XRCC4: variants seen among roughly 807,000 people sequenced by gnomAD.
The protein encoded by XRCC4 is DNA repair protein XRCC4.
Under a neutral mutation model 39.1 loss-of-function variants are expected in XRCC4, and 28 were observed. The ratio of observed to expected loss-of-function variants is 0.72; its 90% CI spans 0.53 to 0.98. The LOEUF (loss-of-function observed/expected upper bound fraction) is 0.98, where lower values mean the gene tolerates loss of function less well. Ranked by LOEUF, XRCC4 falls within the 50% of genes least tolerant of loss-of-function variation. The probability of loss-of-function intolerance (pLI) is 0.00; values close to 1 mark genes in which losing one functional copy is unlikely to be tolerated. For missense variants in XRCC4, 350 were observed against 376.4 expected (o/e 0.93, Z 0.58); for synonymous variants, 123 against 126.4 (o/e 0.97, Z 0.18).
At chr5:83,159,049 G>A (rs2112577272) in intron 3 of XRCC4, among the ~76,000 whole-genome samples, 1 of 152,226 alleles carries the variant, frequency 6.6e-6, no homozygotes, top group East Asian at 1.9e-4. Flanking sequence ...TATAGTGTAA[G>A]TTTTGTGGGA....
Position 83,149,398 on chromosome 5 carries a change from A to G in XRCC4, c.315+38195A>G, listed in dbSNP as rs554852311. Reference sequence around the variant, plus strand: ...GAGATACAGGATATATATGTAATGGATATTTCATTATGTGTTATACTTTTG... The same window carrying G: ...GAGATACAGGATATATATGTAATGGGTATTTCATTATGTGTTATACTTTTG... On this transcript the variant is annotated intron_variant, in intron 3 of 7. Transcript: ENST00000396027. 2.0e-4 allele frequency among the ~76,000 whole-genome samples: 31 copies of G among 151,798 alleles called. No individual in the cohort carries two copies. The East Asian group carries it at 3.7e-3, about 18-fold the overall frequency.
intron 7 of XRCC4, among the ~76,000 whole-genome samples, chr5:83,304,988 T>C (rs1365319178): frequency 6.6e-6 from 1 of 152,172 alleles, no homozygotes; most frequent in African/African-American, 2.4e-5. Flanking sequence ...TTAGTTTTAG[T>C]TACCTGAGCA....
At chr5:83,277,186 T>C (rs917797684) in intron 7 of XRCC4, among the ~76,000 whole-genome samples, 3 of 152,184 alleles carry the variant, frequency 2.0e-5, no homozygotes, top group Non-Finnish European at 4.4e-5. Context: ...ATAGAGCAAT[T>C]TTTTGGGTAA....
At chr5:83,094,260 C>T (rs558830871) in intron 1 of XRCC4, among the ~76,000 whole-genome samples, 1 of 151,252 alleles carries the variant, frequency 6.6e-6, no homozygotes, top group Non-Finnish European at 1.5e-5. Flanking sequence ...CTTGATGGTG[C>T]TCCATAATCC....
intron 4 of XRCC4, chr5:83,202,232 A>T (rs948695682): frequency 1.3e-5 from 2 of 152,176 alleles, no homozygotes; most frequent in African/African-American, 4.8e-5. Flanking sequence ...AACCAAAAAG[A>T]TGTCCATATT....
In XRCC4 at chr5:83,260,078, G is replaced by A. The variant is rs116218720; in HGVS notation, c.893+1401G>A. ...CTCCATACTATGCTGTATCCCTAAT[G>A]TCTTCAGACAATATATGCAAAAACC... On this transcript the variant is annotated intron_variant, in intron 7 of 7. Coordinates refer to ENST00000396027, the MANE Select transcript of XRCC4 (RefSeq NM_003401.5). Among the ~76,000 whole-genome samples, 1,217 of 152,062 alleles carry A rather than the reference G, an allele frequency of 8.0e-3. 6 individuals are homozygous for A. Among genetic ancestry groups the A allele is most frequent in the Non-Finnish European group, 0.012 (802 of 67,918 alleles).
chr5:83,342,645 G>T (rs1288281132), intron 7 of XRCC4, among the ~76,000 whole-genome samples: 5 of 152,094 alleles, frequency 3.3e-5, no homozygotes, highest in Admixed American at 6.6e-5. Context: ...ACGAAATGAC[G>T]TGTAGGCCTA....
At chr5:83,147,011 G>T (rs191901046) in intron 3 of XRCC4, among the ~76,000 whole-genome samples, 1 of 152,292 alleles carries the variant, frequency 6.6e-6, no homozygotes, top group Admixed American at 6.5e-5. Flanking sequence ...AGATGGTCCT[G>T]ACTTTTAATT....
chr5:83,211,583 A>G (rs191410410), intron 6 of XRCC4, among the ~76,000 whole-genome samples: 14 of 152,322 alleles, frequency 9.2e-5, no homozygotes, highest in African/African-American at 2.9e-4. Flanking sequence ...ATAGAAAAAG[A>G]GAGGCTAGAC....
chr5:83,363,695 C>T, the XRCC4 span, among the ~76,000 whole-genome samples: 1 of 152,174 alleles, frequency 6.6e-6, no homozygotes, highest in Non-Finnish European at 1.5e-5. Context: ...TAGTACTTGG[C>T]CCTTGGGCTT....
At chr5:83,122,652 T>G (rs1747065807) in intron 3 of XRCC4, among the ~76,000 whole-genome samples, 1 of 152,134 alleles carries the variant, frequency 6.6e-6, no homozygotes, top group African/African-American at 2.4e-5. Flanking sequence ...AAACTTTCCT[T>G]TTTTCTGATA....
intron 3 of XRCC4, among the ~76,000 whole-genome samples, chr5:83,120,494 T>A (rs1161662906): frequency 1.3e-5 from 2 of 152,244 alleles, no homozygotes; most frequent in African/African-American, 4.8e-5. Flanking sequence ...TTTCTTTCGT[T>A]ATAGATCAGC....
intron 5 of XRCC4, 92 bp downstream of exon 5, chr5:83,203,799 G>A: frequency 6.9e-7 from 1 of 1,439,954 alleles, no homozygotes; most frequent in Non-Finnish European, 9.5e-7. Flanking sequence ...CCAACTTTTT[G>A]ATCATATGAG....
chr5:83,198,661 C>T (rs1177196127), intron 4 of XRCC4, among the ~76,000 whole-genome samples: 1 of 151,936 alleles, frequency 6.6e-6, no homozygotes, highest in African/African-American at 2.4e-5. Context: ...AATTATAAAG[C>T]TATTTTCATT....
rs1056503 is a variant in XRCC4, at chr5:83,353,158, T to A, written c.921T>A (p.Ser307=). 17 of 1,610,890 alleles carry A rather than the reference T, an allele frequency of 1.1e-5. No individual in the cohort carries two copies. The highest frequency in any genetic ancestry group is 9.4e-5 in the African/African-American group (7 of 74,712). Residue 307 remains serine (S), a synonymous_variant, in exon 8 of 8, where the codon TCT becomes TCA. Coordinates refer to ENST00000396027, the MANE Select transcript of XRCC4 (RefSeq NM_003401.5). Reference sequence around the variant, plus strand: ...CTGATTCTTCACTACCTGAGACGTCTAAAAAGGAGCACATCTCAGCTGAAA... The same window carrying A: ...CTGATTCTTCACTACCTGAGACGTCAAAAAAGGAGCACATCTCAGCTGAAA... ...EKPDSSLPET[S]KKEHISAENM... is the part of the protein sequence containing the mutation.
intron 3 of XRCC4, among the ~76,000 whole-genome samples, chr5:83,128,914 A>C (rs1452058825): frequency 1.3e-5 from 2 of 152,044 alleles, no homozygotes; most frequent in African/African-American, 4.8e-5. Context: ...ATTTTCTCCC[A>C]TTCTGTAGGT....
intron 6 of XRCC4, among the ~76,000 whole-genome samples, chr5:83,231,518 A>G (rs1752494615): frequency 6.6e-6 from 1 of 151,766 alleles, no homozygotes; most frequent in Admixed American, 6.6e-5. Flanking sequence ...TTTAAGTTGA[A>G]TGATTCTTTT....
chr5:83,196,126 A>G (rs576885978), intron 4 of XRCC4, among the ~76,000 whole-genome samples, 190 bp downstream of exon 4: 1 of 152,284 alleles, frequency 6.6e-6, no homozygotes. Flanking sequence ...ACATTATGTC[A>G]TTAGTATGTG....
At chr5:83,284,005 A>G (rs1049862989) in intron 7 of XRCC4, among the ~76,000 whole-genome samples, 8 of 144,288 alleles carry the variant, frequency 5.5e-5, no homozygotes, top group Non-Finnish European at 1.1e-4. Context: ...AAATGAGAAG[A>G]TTCATAAACT....
Sources: gnomAD v4.1 joint callset for allele counts (sites outside exome capture counted in the v4.1 genomes callset) on GRCh38, gnomAD v4.1.1 for gene constraint, MANE v1.5 for transcripts, NCBI Gene and HGNC (gene_info 2026-07-23, HGNC 2026-07-21) for gene names.